FBXO11: variants seen among roughly 807,000 people sequenced by gnomAD.
FBXO11 encodes the protein F-box protein 11.
In FBXO11, 13 loss-of-function variants were observed where a neutral mutation model predicts 117.0. The ratio of observed to expected loss-of-function variants is 0.11; its 90% confidence interval spans 0.07 to 0.18. FBXO11 has a LOEUF of 0.18. Among genes scored for constraint, FBXO11 ranks in the 10% least tolerant of loss-of-function variants. The probability of loss-of-function intolerance (pLI) is 1.00; values close to 1 mark genes in which losing one functional copy is unlikely to be tolerated. For synonymous variants in FBXO11, 490 were observed against 380.5 expected (o/e 1.29, Z -3.35); for missense variants, 767 against 1,164.4 (o/e 0.66, Z 4.97).
intron 1 of FBXO11, among the ~76,000 whole-genome samples, chr2:47,851,051 T>C (rs945076153): frequency 2.6e-5 from 4 of 152,184 alleles, no homozygotes; most frequent in African/African-American, 9.7e-5. Flanking sequence ...CAAGTTCAAT[T>C]GGACAATGTA....
intron 16 of FBXO11, among the ~76,000 whole-genome samples, chr2:47,817,885 C>T (rs1382011795): frequency 8.5e-5 from 13 of 152,336 alleles, no homozygotes; most frequent in Admixed American, 4.6e-4. Context: ...TGGTGGCTCA[C>T]GCCTGTGATC....
chr2:47,898,291 T>A (rs549188955), intron 1 of FBXO11, among the ~76,000 whole-genome samples: 1 of 152,224 alleles, frequency 6.6e-6, no homozygotes, highest in Non-Finnish European at 1.5e-5. Flanking sequence ...TTTCTCTATT[T>A]TCTAAGGATT....
chr2:47,858,394 A>G (rs1674477506), intron 1 of FBXO11, among the ~76,000 whole-genome samples: 1 of 151,514 alleles, frequency 6.6e-6, no homozygotes, highest in Non-Finnish European at 1.5e-5. Flanking sequence ...TGAAAAACAT[A>G]ATACAGGCCA....
intron 1 of FBXO11, among the ~76,000 whole-genome samples, chr2:47,873,907 C>CT (rs1159620295): frequency 8.6e-5 from 13 of 152,032 alleles, no homozygotes; most frequent in Middle Eastern, 3.4e-3. Context: ...GGGCAGCTGG[C>CT]TTTTTTTTAA....
intron 1 of FBXO11, among the ~76,000 whole-genome samples, chr2:47,904,331 T>G (rs1432145276): frequency 6.6e-6 from 1 of 152,146 alleles, no homozygotes; most frequent in African/African-American, 2.4e-5. Context: ...CTACCACTAC[T>G]GCGAACAGCT....
chr2:47,873,922 T>C (rs887181259), intron 1 of FBXO11, among the ~76,000 whole-genome samples: 4 of 152,124 alleles, frequency 2.6e-5, no homozygotes, highest in African/African-American at 9.7e-5. Context: ...TTTTAAAATA[T>C]GTAACTTTAA....
At chr2:47,872,171 A>G (rs1425828526) in intron 1 of FBXO11, among the ~76,000 whole-genome samples, 1 of 152,218 alleles carries the variant, frequency 6.6e-6, no homozygotes, top group Non-Finnish European at 1.5e-5. Flanking sequence ...TATTAGAGTT[A>G]AGGCATAAAA....
At chr2:47,864,795 A>C (rs1396662690) in intron 1 of FBXO11, among the ~76,000 whole-genome samples, 1 of 152,244 alleles carries the variant, frequency 6.6e-6, no homozygotes, top group Middle Eastern at 3.2e-3. Flanking sequence ...AAGTGACAGA[A>C]TTGAAAAGAA....
At chr2:47,877,813 T>C (rs1341368257) in intron 1 of FBXO11, among the ~76,000 whole-genome samples, 1 of 152,222 alleles carries the variant, frequency 6.6e-6, no homozygotes, top group East Asian at 1.9e-4. Flanking sequence ...GCCTCCCAAC[T>C]AGCTGGGATT....
intron 1 of FBXO11, among the ~76,000 whole-genome samples, chr2:47,891,279 A>G (rs1411397819): frequency 6.6e-6 from 1 of 151,638 alleles, no homozygotes; most frequent in Non-Finnish European, 1.5e-5. Context: ...GTAACTCCAC[A>G]TTTCCCCCTC....
rs934848086 is a variant in FBXO11 at position 47,905,815 on chromosome 2, G to A, written c.-95C>T. 8.9e-6 allele frequency: 9 copies of A among 1,009,076 alleles called. No individual in the cohort carries two copies. The highest frequency in any genetic ancestry group is 1.5e-5 in the South Asian group (1 of 66,626). The allele number at this position is 1,009,076 out of a possible 1,614,324, so 62.5% of individuals were successfully genotyped here. A position where few individuals can be genotyped will look rare whatever the true frequency, so the allele number is the denominator to read the frequency against. ...GGAGAAAGGGGTGGGGAGAGTGGGA[G>A]AGGGGGGAGGAAGGAGAGGGGGCGA... On this transcript the variant is annotated 5_prime_UTR_variant, in exon 1 of 23. Transcript: ENST00000403359.
intron 16 of FBXO11, 59 bp downstream of exon 16, chr2:47,818,720 A>T: frequency 8.4e-7 from 1 of 1,190,522 alleles, no homozygotes; most frequent in African/African-American, 1.5e-5. Flanking sequence ...AATTTCTTTT[A>T]CACACCCCAC....
intron 1 of FBXO11, among the ~76,000 whole-genome samples, chr2:47,872,458 G>T (rs1265262555): frequency 6.6e-6 from 1 of 152,074 alleles, no homozygotes; most frequent in East Asian, 1.9e-4. Flanking sequence ...CCAGCAGCTG[G>T]GACTACAGGA....
chr2:47,900,179 G>A (rs1677997973), intron 1 of FBXO11, among the ~76,000 whole-genome samples: 1 of 152,040 alleles, frequency 6.6e-6, no homozygotes, highest in Non-Finnish European at 1.5e-5. Context: ...ACACTACTCT[G>A]TTTCTATCCC....
chr2:47,836,753 ACAT>A (rs751786104), intron 4 of FBXO11, among the ~76,000 whole-genome samples: 4 of 152,210 alleles, frequency 2.6e-5, no homozygotes, highest in African/African-American at 4.8e-5. Context: ...TACTGTAAAA[ACAT>A]CATGATTATC....
intron 21 of FBXO11, 191 bp from the exon 22 acceptor site, chr2:47,808,618 G>T (rs1302130777): frequency 7.9e-6 from 4 of 505,944 alleles, no homozygotes; most frequent in Non-Finnish European, 1.4e-5. Context: ...TGTGTCTTCG[G>T]AGGGAAGAGA....
intron 1 of FBXO11, among the ~76,000 whole-genome samples, chr2:47,868,023 A>G (rs1464093211): frequency 6.6e-6 from 1 of 152,170 alleles, no homozygotes; most frequent in Non-Finnish European, 1.5e-5. Context: ...GAAGTAAAAC[A>G]TTAACATCAG....
In FBXO11 at chr2:47,839,712, C is replaced by A. The variant is rs777106251; in HGVS notation, c.290G>T (p.Ser97Ile). The change falls in exon 2 of 23, where the codon AGT becomes ATT. Residue 97 changes from serine (S) to isoleucine (I), a missense_variant. Ser to Ile is a moderately radical substitution (Grantham distance 142). Transcript: ENST00000403359. ...AGTTTTTCTACGAAGTTGGTATGGA[C>A]TATTTTGTGCACCAGGACCTGATTC... ...AEESGPGAQN[S>I]PYQLRRKTLL... 5 of 1,614,112 alleles carry A rather than the reference C, an allele frequency of 3.1e-6. No individual in the cohort carries two copies. The highest frequency in any genetic ancestry group is 8.5e-7 in the Non-Finnish European group (1 of 1,180,008).
intron 7 of FBXO11, among the ~76,000 whole-genome samples, chr2:47,833,648 A>G (rs893749741): frequency 2.6e-5 from 4 of 152,238 alleles, no homozygotes; most frequent in African/African-American, 7.2e-5. Context: ...TTTGACAGAT[A>G]TTACATTTAT....
Sources: gnomAD v4.1 joint callset for allele counts (sites outside exome capture counted in the v4.1 genomes callset) on GRCh38, gnomAD v4.1.1 for gene constraint, MANE v1.5 for transcripts, NCBI Gene and HGNC (gene_info 2026-07-23, HGNC 2026-07-21) for gene names.